The following UBR3 variants were observed in gnomAD, a reference collection of about 807,000 sequenced individuals.
UBR3 encodes E3 ubiquitin-protein ligase UBR3.
A neutral mutation model predicts 243.2 loss-of-function variants in UBR3; 85 were observed. The ratio of observed to expected loss-of-function variants is 0.35; its 90% CI spans 0.29 to 0.42. UBR3 has a LOEUF of 0.42. UBR3 is among the 10% of genes least tolerant of loss of function. The pLI is 1.00. For missense variants in UBR3, 1,686 were observed against 2,300.8 expected, an observed-to-expected ratio of 0.73 and a Z score of 5.47; for synonymous variants, 748 against 799.8, an observed-to-expected ratio of 0.94 and a Z score of 1.09.
chr2:169,882,000 T>C (rs1452929159), intron 5 of UBR3, among the ~76,000 whole-genome samples: 51 of 125,272 alleles, frequency 4.1e-4, no homozygotes, highest in African/African-American at 1.3e-3. Context: ...TGTATATTTA[T>C]ATAATATATA....
intron 22 of UBR3, 172 bp from the exon 23 acceptor site, chr2:169,949,433 A>T (rs2086919152): frequency 1.7e-6 from 1 of 582,586 alleles, no homozygotes; most frequent in African/African-American, 1.9e-5. Context: ...AGTGGGATTA[A>T]ATATATTTGA....
chr2:169,870,661 A>T (rs565299592), intron 1 of UBR3, among the ~76,000 whole-genome samples: 252 of 148,836 alleles, frequency 1.7e-3, no homozygotes, highest in South Asian at 9.8e-3. Flanking sequence ...TATTATTATT[A>T]TTTTTTTTTT....
At chr2:169,846,336 T>G (rs1280954508) in intron 1 of UBR3, among the ~76,000 whole-genome samples, 1 of 152,208 alleles carries the variant, frequency 6.6e-6, no homozygotes, top group Non-Finnish European at 1.5e-5. Flanking sequence ...TCCTTATTCT[T>G]TAGTCTGTTT....
intron 24 of UBR3, among the ~76,000 whole-genome samples, chr2:169,959,472 G>A (rs922650697): frequency 3.0e-4 from 46 of 151,548 alleles, no homozygotes; most frequent in African/African-American, 4.8e-5. Flanking sequence ...CTTAAGATTC[G>A]TCTTTTGAGT....
At chr2:170,076,116 G>T (rs1415289096) in intron 36 of UBR3, among the ~76,000 whole-genome samples, 1 of 152,166 alleles carries the variant, frequency 6.6e-6, no homozygotes, top group Admixed American at 6.6e-5. Flanking sequence ...CTGGGAGAGA[G>T]AATCTGGTTG....
chr2:170,061,194 T>C lies in UBR3; in HGVS notation c.4893+8T>C. ...ACTCAGGAATGTGCAATGGTATGTT[T>C]CTGCAAAAATCAGATGTAGCGGTTA... On this transcript the variant is annotated splice_region_variant and intron_variant, in intron 34 of 38. Coordinates refer to ENST00000272793, the MANE Select transcript of UBR3 (RefSeq NM_172070.4). 6.3e-7 allele frequency: 1 copy of C among 1,584,836 alleles called. No individual in the cohort carries two copies. The highest frequency in any genetic ancestry group is 8.5e-7 in the Non-Finnish European group (1 of 1,170,620).
At chr2:169,868,364 C>T (rs1037725359) in intron 1 of UBR3, among the ~76,000 whole-genome samples, 1 of 152,156 alleles carries the variant, frequency 6.6e-6, no homozygotes, top group East Asian at 1.9e-4. Flanking sequence ...TTATTTAAGA[C>T]AGAGTCTCAT....
At chr2:169,949,498 T>C in intron 22 of UBR3, 107 bp from the exon 23 acceptor site, 5 of 1,009,482 alleles carry the variant, frequency 5.0e-6, no homozygotes, top group Non-Finnish European at 7.0e-6. Context: ...AATAAATCTT[T>C]GTATGAAACT....
chr2:169,903,479 G>A (rs2084904821), intron 8 of UBR3, among the ~76,000 whole-genome samples: 1 of 152,202 alleles, frequency 6.6e-6, no homozygotes, highest in Non-Finnish European at 1.5e-5. Context: ...AAAGCCCCTA[G>A]TCCTTACTTC....
intron 24 of UBR3, among the ~76,000 whole-genome samples, chr2:169,972,467 A>G (rs966459603): frequency 5.9e-5 from 9 of 152,242 alleles, no homozygotes; most frequent in Admixed American, 5.9e-4. Context: ...ACAAAAAAAG[A>G]GAATTTTAGA....
At chr2:169,926,538 T>G (rs1017482090) in intron 14 of UBR3, among the ~76,000 whole-genome samples, 154 bp from the exon 15 acceptor site, 3 of 152,022 alleles carry the variant, frequency 2.0e-5, no homozygotes, top group African/African-American at 7.2e-5. Context: ...GAGGTTGCAG[T>G]GAGCTGAGGT....
At chr2:170,035,396 C>A (rs1166475091) in intron 31 of UBR3, among the ~76,000 whole-genome samples, 3 of 151,978 alleles carry the variant, frequency 2.0e-5, no homozygotes, top group Non-Finnish European at 4.4e-5. Flanking sequence ...TCCAGTTGTT[C>A]TAGCACCATT....
chr2:169,968,111 G>A (rs1012775096), intron 24 of UBR3, among the ~76,000 whole-genome samples: 1 of 151,996 alleles, frequency 6.6e-6, no homozygotes, highest in Non-Finnish European at 1.5e-5. Flanking sequence ...ATATTTATGA[G>A]GCACATGTGA....
chr2:170,017,844 T>G (rs919294755), intron 30 of UBR3, among the ~76,000 whole-genome samples: 1 of 152,208 alleles, frequency 6.6e-6, no homozygotes, highest in African/African-American at 2.4e-5. Flanking sequence ...TTTAATAATA[T>G]AATATCCTAC....
chr2:169,866,461 C>G (rs2083268667), intron 1 of UBR3, among the ~76,000 whole-genome samples: 1 of 151,618 alleles, frequency 6.6e-6, no homozygotes, highest in Non-Finnish European at 1.5e-5. Flanking sequence ...CCTCCGGATT[C>G]AAGCCATTCT....
chr2:169,993,840 C>G (rs1002701009), intron 25 of UBR3, among the ~76,000 whole-genome samples: 3 of 152,196 alleles, frequency 2.0e-5, no homozygotes, highest in Admixed American at 1.3e-4. Flanking sequence ...TCAGATTTTA[C>G]CAGAACTCCA....
intron 3 of UBR3, 71 bp downstream of exon 3, chr2:169,876,020 G>C (rs2083590912): frequency 5.0e-6 from 6 of 1,204,958 alleles, no homozygotes; most frequent in Non-Finnish European, 5.4e-6. Flanking sequence ...GAGTCTTTTA[G>C]AACTTAAAGG....
intron 35 of UBR3, among the ~76,000 whole-genome samples, chr2:170,072,840 T>G (rs570010127): frequency 7.6e-4 from 116 of 152,288 alleles, no homozygotes; most frequent in African/African-American, 2.7e-3. Flanking sequence ...TTTCCAAGAC[T>G]AATAAGCTTC....
intron 17 of UBR3, among the ~76,000 whole-genome samples, chr2:169,928,224 T>A (rs886835530): frequency 1.3e-5 from 2 of 152,156 alleles, no homozygotes; most frequent in Non-Finnish European, 1.5e-5. Context: ...ATTTTAAAGA[T>A]TTATGTGCTT....
Sources: allele counts gnomAD v4.1 joint callset (sites outside exome capture counted in the v4.1 genomes callset), GRCh38; gene constraint gnomAD v4.1.1; transcripts MANE v1.5; gene names NCBI Gene and HGNC (gene_info 2026-07-23, HGNC 2026-07-21).